Variants in LARGE1 observed in about 807,000 individuals in gnomAD.
LARGE1 encodes the protein xylosyl- and glucuronyltransferase LARGE1.
Under a neutral mutation model 87.6 loss-of-function variants are expected in LARGE1, and 43 were observed. The ratio of observed to expected loss-of-function variants is 0.49; its 90% CI spans 0.38 to 0.63. The LOEUF is 0.63. LARGE1 is among the 30% of genes least tolerant of loss of function. The pLI is 0.00. For synonymous variants in LARGE1, 434 were observed against 394.6 expected (o/e 1.10, Z -1.18); for missense variants, 802 against 1,000.2 (o/e 0.80, Z 2.67).
At chr22:33,669,636 G>A (rs1276926650) in intron 2 of LARGE1, among the ~76,000 whole-genome samples, 2 of 152,182 alleles carry the variant, frequency 1.3e-5, no homozygotes, top group Non-Finnish European at 2.9e-5. Flanking sequence ...TTTCCCACCT[G>A]CTGTGGGATA....
chr22:33,229,202 T>C (rs925199849), intron 11 of LARGE1, among the ~76,000 whole-genome samples: 2 of 152,194 alleles, frequency 1.3e-5, no homozygotes, highest in Non-Finnish European at 2.9e-5. Context: ...AAAACCACTA[T>C]GTAAGGATAG....
At chr22:33,096,787 T>C in the LARGE1 span, among the ~76,000 whole-genome samples, 33 of 151,978 alleles carry the variant, frequency 2.2e-4, no homozygotes, top group Non-Finnish European at 3.7e-4. Flanking sequence ...GGATGGTCTC[T>C]ATCTCCTGAC....
intron 7 of LARGE1, among the ~76,000 whole-genome samples, chr22:33,408,789 T>C (rs753866156): frequency 1.3e-5 from 2 of 151,660 alleles, no homozygotes; most frequent in Non-Finnish European, 2.9e-5. Context: ...CAACTCCTGT[T>C]GTTAATAATT....
chr22:33,239,154 A>G (rs1926387906), intron 11 of LARGE1, among the ~76,000 whole-genome samples: 1 of 152,016 alleles, frequency 6.6e-6, no homozygotes, highest in Admixed American at 6.6e-5. Flanking sequence ...TATAAACCAT[A>G]ATAGAATACT....
intron 2 of LARGE1, among the ~76,000 whole-genome samples, chr22:33,692,274 T>G (rs1021934253): frequency 8.5e-5 from 13 of 152,096 alleles, no homozygotes; most frequent in African/African-American, 2.9e-4. Context: ...GGGCTATGCA[T>G]GCAGTAACAC....
chr22:33,723,753 TCTCTCTGCGGGAC>T (rs2083180541), intron 2 of LARGE1: 1 of 152,028 alleles, frequency 6.6e-6, no homozygotes, highest in Non-Finnish European at 1.5e-5. Flanking sequence ...TGTGTGATGG[TCTCTCTGCGGGAC>T]CTCATTCATT....
At chr22:33,775,899 G>A (rs1382057932) in intron 1 of LARGE1, among the ~76,000 whole-genome samples, 9 of 149,514 alleles carry the variant, frequency 6.0e-5, no homozygotes, top group Non-Finnish European at 1.2e-4. Flanking sequence ...TACCAGCATC[G>A]GGTGGGTCAA....
chr22:33,761,839 G>A (rs915886927), intron 1 of LARGE1, among the ~76,000 whole-genome samples: 2 of 152,134 alleles, frequency 1.3e-5, no homozygotes, highest in Middle Eastern at 3.4e-3. Flanking sequence ...GGTTAACTTC[G>A]AGACCTGAAC....
chr22:33,132,269 G>A, the LARGE1 span, among the ~76,000 whole-genome samples: 4 of 151,822 alleles, frequency 2.6e-5, no homozygotes, highest in Admixed American at 1.3e-4. Flanking sequence ...TTGCAGCCTC[G>A]ACCTTTCTGG....
At chr22:33,305,647 C>T (rs764969685) in intron 11 of LARGE1, 28 of 968,324 alleles carry the variant, frequency 2.9e-5, no homozygotes, top group Non-Finnish European at 3.3e-5. Context: ...GAAATGGGCA[C>T]ACCTATCTTG....
At chr22:33,542,756 C>T (rs1023256626) in intron 6 of LARGE1, among the ~76,000 whole-genome samples, 4 of 151,706 alleles carry the variant, frequency 2.6e-5, no homozygotes, top group Admixed American at 2.0e-4. Flanking sequence ...CTGGGCCCAC[C>T]TACTCAAATC....
chr22:33,379,753 T>C (rs894444828), intron 9 of LARGE1, among the ~76,000 whole-genome samples: 5 of 152,166 alleles, frequency 3.3e-5, no homozygotes, highest in African/African-American at 7.2e-5. Flanking sequence ...AATTGATCAG[T>C]GGGGAAGTTC....
At chr22:33,126,892 A>G in the LARGE1 span, among the ~76,000 whole-genome samples, 60 of 152,240 alleles carry the variant, frequency 3.9e-4, no homozygotes, top group Non-Finnish European at 7.3e-4. Context: ...TGCTGGTTGC[A>G]ATACTGTGGC....
the LARGE1 span, among the ~76,000 whole-genome samples, chr22:33,128,740 A>G: frequency 6.6e-6 from 1 of 151,726 alleles, no homozygotes; most frequent in South Asian, 2.1e-4. Flanking sequence ...TGCGGTACAT[A>G]TACACCATGG....
At chr22:33,631,406 T>C (rs1162696811) in intron 3 of LARGE1, among the ~76,000 whole-genome samples, 1 of 152,214 alleles carries the variant, frequency 6.6e-6, no homozygotes, top group Non-Finnish European at 1.5e-5. Flanking sequence ...ATGAAAATAC[T>C]TTATATTCTT....
At chr22:33,732,708 A>G (rs1227164705) in intron 2 of LARGE1, 1 of 152,218 alleles carries the variant, frequency 6.6e-6, no homozygotes, top group Non-Finnish European at 1.5e-5. Flanking sequence ...GATTGAATGT[A>G]TAGGGCTGCA....
In LARGE1 at chr22:33,498,188, G is replaced by T. The variant is rs377513501; in HGVS notation, c.788-65923C>A. 5.1e-4 allele frequency among the ~76,000 whole-genome samples: 78 copies of T among 152,180 alleles called. 1 individual carries two copies. The highest frequency in any genetic ancestry group is 1.5e-3 in the Admixed American group (23 of 15,262). On this transcript the variant is annotated intron_variant, in intron 6 of 14. Transcript: ENST00000397394. Reference sequence around the variant, plus strand: ...GTGTGAGCCACTGTGTCTGGCAGGGGTGTTTATTTTTCCAATAAGAAAGCT... The same window carrying T: ...GTGTGAGCCACTGTGTCTGGCAGGGTTGTTTATTTTTCCAATAAGAAAGCT...
At chr22:33,156,032 T>G in the LARGE1 span, among the ~76,000 whole-genome samples, 1 of 152,092 alleles carries the variant, frequency 6.6e-6, no homozygotes, top group Non-Finnish European at 1.5e-5. Context: ...AAAAATGAAG[T>G]TTGGGAACCT....
At chr22:33,561,031 G>A (rs2077841856) in intron 6 of LARGE1, among the ~76,000 whole-genome samples, 1 of 152,154 alleles carries the variant, frequency 6.6e-6, no homozygotes, top group Non-Finnish European at 1.5e-5. Flanking sequence ...AGCCAGGATG[G>A]TTTCGATCTC....
Sources: allele counts gnomAD v4.1 joint callset (sites outside exome capture counted in the v4.1 genomes callset), GRCh38; gene constraint gnomAD v4.1.1; transcripts MANE v1.5; gene names NCBI Gene and HGNC (gene_info 2026-07-23, HGNC 2026-07-21).